TACR1: variants seen among roughly 807,000 people sequenced by gnomAD.
The protein encoded by TACR1 is substance-P receptor.
Under a neutral mutation model 35.8 loss-of-function variants are expected in TACR1, and 25 were observed. The ratio of observed to expected loss-of-function variants is 0.70; its 90% CI spans 0.51 to 0.98. TACR1 has a LOEUF of 0.98. Among genes scored for constraint, TACR1 ranks in the 50% least tolerant of loss-of-function variants. The pLI is 0.00. For missense variants in TACR1, 478 were observed against 522.9 expected, an observed-to-expected ratio of 0.91 and a Z score of 0.84; for synonymous variants, 195 against 206.7, an observed-to-expected ratio of 0.94 and a Z score of 0.48.
At chr2:75,180,188 ACT>A (rs1482779378) in intron 1 of TACR1, among the ~76,000 whole-genome samples, 1 of 151,630 alleles carries the variant, frequency 6.6e-6, no homozygotes, top group African/African-American at 2.4e-5. Context: ...ACTTCCCATG[ACT>A]CTCTATCCTC....
At chr2:75,096,947 T>C (rs951151378) in intron 2 of TACR1, among the ~76,000 whole-genome samples, 16 of 152,244 alleles carry the variant, frequency 1.1e-4, no homozygotes, top group African/African-American at 3.1e-4. Flanking sequence ...GCTCCAACAG[T>C]CAACCCCTAT....
intron 2 of TACR1, among the ~76,000 whole-genome samples, chr2:75,089,078 T>G (rs1000587125): frequency 2.0e-5 from 3 of 152,150 alleles, no homozygotes; most frequent in Non-Finnish European, 2.9e-5. Flanking sequence ...TTCAATTAAC[T>G]TCACCATATG....
chr2:75,141,983 C>T (rs1674416607), intron 1 of TACR1, among the ~76,000 whole-genome samples: 1 of 152,206 alleles, frequency 6.6e-6, no homozygotes, highest in Non-Finnish European at 1.5e-5. Context: ...AGAAAGGAAA[C>T]ATTTATTGCA....
intron 2 of TACR1, among the ~76,000 whole-genome samples, chr2:75,103,910 T>C (rs1558554017): frequency 6.6e-6 from 1 of 151,792 alleles, no homozygotes; most frequent in Non-Finnish European, 1.5e-5. Flanking sequence ...AGTAGATACA[T>C]AAAAGATAAA....
rs1481803235 is a variant in TACR1, at chr2:75,198,622, A to C, written c.313T>G (p.Cys105Gly). 1.2e-6 allele frequency: 2 copies of C among 1,614,088 alleles called. No homozygotes were observed. The highest frequency in any genetic ancestry group is 1.7e-6 in the Non-Finnish European group (2 of 1,180,040). The change falls in exon 1 of 5, where the codon TGC becomes GGC. Residue 105 changes from cysteine (C) to glycine (G), a missense_variant. Coordinates refer to ENST00000305249, the MANE Select transcript of TACR1 (RefSeq NM_001058.4). ...ATGGGAAAGAAGTTGTGGAACTTGC[A>C]GTAGAACAGGCCGTAGTACCATTCG... ...HNEWYYGLFY[C>G]KFHNFFPIAA...
Position 75,092,357 on chromosome 2 carries a change from T to C in TACR1, c.584+28217A>G, listed in dbSNP as rs565984638. 1.4e-4 allele frequency among the ~76,000 whole-genome samples: 22 copies of C among 152,238 alleles called. No individual in the cohort carries two copies. The South Asian group carries it at 4.4e-3, about 30-fold the overall frequency. ...ACTCATGACCCTTAATGCATTGTGG[T>C]GCTCAGAAAACCAAGTCCCTGCCAG... On this transcript the variant is annotated intron_variant, in intron 2 of 4. Transcript: ENST00000305249.
intron 2 of TACR1, among the ~76,000 whole-genome samples, chr2:75,088,608 G>T (rs1487889970): frequency 6.6e-6 from 1 of 152,092 alleles, no homozygotes; most frequent in African/African-American, 2.4e-5. Context: ...GCAGACTGCT[G>T]GAGGCTTCCT....
intron 2 of TACR1, among the ~76,000 whole-genome samples, chr2:75,066,576 C>A (rs1394167254): frequency 6.6e-6 from 1 of 152,182 alleles, no homozygotes; most frequent in African/African-American, 2.4e-5. Flanking sequence ...GTCTTCGATT[C>A]CATTTCATGT....
intron 1 of TACR1, among the ~76,000 whole-genome samples, chr2:75,194,590 C>T (rs916967174): frequency 6.6e-6 from 1 of 152,028 alleles, no homozygotes; most frequent in Non-Finnish European, 1.5e-5. Flanking sequence ...TGTGTAGACA[C>T]GAGTTCAGTG....
chr2:75,066,811 G>T (rs1310605317), intron 2 of TACR1, among the ~76,000 whole-genome samples: 2 of 152,212 alleles, frequency 1.3e-5, no homozygotes, highest in Non-Finnish European at 2.9e-5. Flanking sequence ...TGTCTCACAA[G>T]AAATTGTCAA....
chr2:75,190,661 C>T (rs1462856364), intron 1 of TACR1, among the ~76,000 whole-genome samples: 1 of 152,098 alleles, frequency 6.6e-6, no homozygotes, highest in African/African-American at 2.4e-5. Flanking sequence ...CTCTTCTTAC[C>T]TTCTACAAGG....
At chr2:75,141,202 T>C (rs538216846) in intron 1 of TACR1, among the ~76,000 whole-genome samples, 1 of 152,282 alleles carries the variant, frequency 6.6e-6, no homozygotes, top group Admixed American at 6.5e-5. Context: ...TTTGGGATCT[T>C]CTAGCTCCTC....
chr2:75,115,715 G>A (rs554668930), intron 2 of TACR1, among the ~76,000 whole-genome samples: 2 of 152,106 alleles, frequency 1.3e-5, no homozygotes, highest in African/African-American at 4.8e-5. Flanking sequence ...GACCAGCCTG[G>A]CTAACACCGT....
At chr2:75,057,696 T>A (rs1434528638) in intron 2 of TACR1, among the ~76,000 whole-genome samples, 1 of 152,148 alleles carries the variant, frequency 6.6e-6, no homozygotes, top group Non-Finnish European at 1.5e-5. Context: ...GGAGTTATTG[T>A]CTAATGGGTA....
chr2:75,196,659 C>T (rs912205457), intron 1 of TACR1, among the ~76,000 whole-genome samples: 3 of 152,156 alleles, frequency 2.0e-5, no homozygotes, highest in Admixed American at 2.0e-4. Flanking sequence ...CTCTCATCCC[C>T]ACCCCTAACC....
At chr2:75,162,167 GTT>G (rs1675026317) in intron 1 of TACR1, among the ~76,000 whole-genome samples, 1 of 151,808 alleles carries the variant, frequency 6.6e-6, no homozygotes, top group Non-Finnish European at 1.5e-5. Flanking sequence ...GCCAAAGAAT[GTT>G]CTGAAAGTGC....
intron 1 of TACR1, among the ~76,000 whole-genome samples, chr2:75,129,395 CTGACCAATTT>C (rs1353010944): frequency 1.1e-4 from 17 of 152,170 alleles, no homozygotes; most frequent in Admixed American, 1.1e-3. Context: ...ATGCTCTCTT[CTGACCAATTT>C]TGAAGTTTTT....
At chr2:75,075,265 A>G (rs1351602034) in intron 2 of TACR1, among the ~76,000 whole-genome samples, 3 of 152,264 alleles carry the variant, frequency 2.0e-5, no homozygotes, top group South Asian at 2.1e-4. Flanking sequence ...AAGTCTGACA[A>G]TACCAGGTGT....
intron 1 of TACR1, among the ~76,000 whole-genome samples, chr2:75,125,873 T>G (rs1674061372): frequency 6.6e-6 from 1 of 152,204 alleles, no homozygotes; most frequent in South Asian, 2.1e-4. Flanking sequence ...TTGACTAACT[T>G]TTGTGTTGAC....
Sources: allele counts gnomAD v4.1 joint callset (sites outside exome capture counted in the v4.1 genomes callset), GRCh38; gene constraint gnomAD v4.1.1; transcripts MANE v1.5; gene names NCBI Gene and HGNC (gene_info 2026-07-23, HGNC 2026-07-21).